CTNNA3: variants seen among roughly 807,000 people sequenced by gnomAD.
The protein encoded by CTNNA3 is catenin alpha-3.
CTNNA3 carries 76 observed loss-of-function variants against 95.7 expected under a neutral mutation model. The observed-to-expected ratio is 0.79, with a 90% confidence interval of 0.66 to 0.96. The LOEUF (loss-of-function observed/expected upper bound fraction) is 0.96, where lower values mean the gene tolerates loss of function less well. Ranked by LOEUF, CTNNA3 falls within the 40% of genes least tolerant of loss-of-function variation. CTNNA3 has a pLI of 0.00. For missense variants in CTNNA3, 1,191 were observed against 1,089.8 expected (o/e 1.09, Z -1.31); for synonymous variants, 431 against 374.4 (o/e 1.15, Z -1.74).
chr10:67,326,708 G>A (rs1841552120), intron 5 of CTNNA3, among the ~76,000 whole-genome samples: 1 of 152,092 alleles, frequency 6.6e-6, no homozygotes, highest in African/African-American at 2.4e-5. Context: ...TAGGTCTTGA[G>A]AATGATCTTC....
intron 11 of CTNNA3, among the ~76,000 whole-genome samples, chr10:66,498,369 A>C (rs1280617948): frequency 6.6e-6 from 1 of 152,144 alleles, no homozygotes; most frequent in Non-Finnish European, 1.5e-5. Flanking sequence ...AAAACATATG[A>C]CAATTCAATG....
At chr10:66,708,917 T>A (rs75089931) in intron 9 of CTNNA3, among the ~76,000 whole-genome samples, 1 of 152,108 alleles carries the variant, frequency 6.6e-6, no homozygotes, top group Admixed American at 6.6e-5. Flanking sequence ...AACCGTTTTT[T>A]CTTTTCCATT....
chr10:65,996,501 C>T (rs2078663353), intron 15 of CTNNA3, among the ~76,000 whole-genome samples: 1 of 152,018 alleles, frequency 6.6e-6, no homozygotes, highest in Non-Finnish European at 1.5e-5. Context: ...GCTGCTGAGC[C>T]CCAGGGAGAA....
At chr10:66,118,242 T>G (rs939780667) in intron 13 of CTNNA3, 2 of 149,640 alleles carry the variant, frequency 1.3e-5, no homozygotes, top group Admixed American at 6.6e-5. Context: ...CTTTGTCCTA[T>G]TTTTTTTTAG....
rs7088924 is a variant in CTNNA3 at position 66,374,144 on chromosome 10, C to T, written c.1732+5008G>A. Among the ~76,000 whole-genome samples the T allele has an allele frequency of 3.1e-3, 463 of 151,740 alleles. 1 individual carries two copies. Among genetic ancestry groups the T allele is most frequent in the African/African-American group, 0.011 (441 of 41,358 alleles). On this transcript the variant is annotated intron_variant, in intron 12 of 17. Transcript: ENST00000433211. ...TGGGCCCCTCTGCTATGTGTAGATG[C>T]TACCGGGGAAAATAAAAATAAAGAA... is the stretch of plus-strand genomic sequence containing the variant.
At chr10:67,727,494 CAT>C (rs1841243003) in intron 1 of CTNNA3, among the ~76,000 whole-genome samples, 1 of 128,588 alleles carries the variant, frequency 7.8e-6, no homozygotes, top group South Asian at 2.3e-4. Context: ...TTATATTAAA[CAT>C]AATATATCAT....
At chr10:66,107,145 C>T (rs1404201040) in intron 13 of CTNNA3, among the ~76,000 whole-genome samples, 1 of 152,110 alleles carries the variant, frequency 6.6e-6, no homozygotes, top group Non-Finnish European at 1.5e-5. Context: ...GCTGGGCTGT[C>T]TCTAAACCAG....
At chr10:66,332,868 T>G (rs889896487) in intron 12 of CTNNA3, among the ~76,000 whole-genome samples, 14 of 152,258 alleles carry the variant, frequency 9.2e-5, no homozygotes, top group Middle Eastern at 3.4e-3. Context: ...GGACTTTTTT[T>G]GGTTGGTAAG....
intron 9 of CTNNA3, among the ~76,000 whole-genome samples, chr10:66,715,506 A>T (rs1262112811): frequency 1.3e-5 from 2 of 152,230 alleles, no homozygotes; most frequent in African/African-American, 4.8e-5. Context: ...AAAGTTATTT[A>T]AAAACTAAGA....
chr10:66,678,971 T>C (rs764773323), intron 9 of CTNNA3, among the ~76,000 whole-genome samples: 20 of 152,178 alleles, frequency 1.3e-4, no homozygotes, highest in Non-Finnish European at 2.5e-4. Flanking sequence ...GCTTCTTGTA[T>C]ATTTCCCTAA....
intron 10 of CTNNA3, among the ~76,000 whole-genome samples, chr10:66,592,944 G>A (rs1439879590): frequency 2.0e-5 from 3 of 152,114 alleles, no homozygotes; most frequent in South Asian, 2.1e-4. Flanking sequence ...AATGATAACC[G>A]AGTAAAAGTT....
At chr10:66,187,455 A>G (rs1474045705) in intron 13 of CTNNA3, among the ~76,000 whole-genome samples, 1 of 150,420 alleles carries the variant, frequency 6.6e-6, no homozygotes, top group Non-Finnish European at 1.5e-5. Context: ...CCCAAGAAAA[A>G]CTAGAGAAGG....
intron 11 of CTNNA3, among the ~76,000 whole-genome samples, chr10:66,388,681 A>T (rs191401753): frequency 1.8e-3 from 265 of 145,334 alleles, no homozygotes; most frequent in Non-Finnish European, 2.9e-3. Context: ...AATTATAAAT[A>T]AAATAACGAA....
chr10:67,741,355 A>G (rs1226069823), intron 1 of CTNNA3, among the ~76,000 whole-genome samples: 3 of 149,832 alleles, frequency 2.0e-5, no homozygotes, highest in Non-Finnish European at 4.5e-5. Context: ...ACAAAAAAAA[A>G]AAAAGAAAAG....
At position 66,713,979 on chromosome 10, in the gene CTNNA3, T is replaced by C. The variant is rs77928172; in HGVS notation, c.1281+52285A>G. The stretch of plus-strand genomic sequence containing the variant: ...AATATTTTAAAGTATAAGGACATAC[T>C]ACAGAGAAAATCACATGATAGAATA... On this transcript the variant is annotated intron_variant, in intron 9 of 17. Transcript: ENST00000433211. Among the ~76,000 whole-genome samples, 1,351 of 152,176 alleles carry C rather than the reference T, an allele frequency of 8.9e-3. 21 individuals carry two copies. The highest frequency in any genetic ancestry group is 0.031 in the African/African-American group (1,268 of 41,520).
intron 2 of CTNNA3, among the ~76,000 whole-genome samples, chr10:67,612,118 A>T (rs1045707603): frequency 6.6e-6 from 1 of 152,238 alleles, no homozygotes; most frequent in Non-Finnish European, 1.5e-5. Flanking sequence ...AAGGGTTGAG[A>T]ACCCAAAAAA....
intron 15 of CTNNA3, among the ~76,000 whole-genome samples, chr10:66,021,451 C>G (rs1166191908): frequency 6.6e-6 from 1 of 150,484 alleles, no homozygotes; most frequent in Non-Finnish European, 1.5e-5. Context: ...GCTGTCGGTA[C>G]TTATAATAAT....
At chr10:67,533,736 G>A (rs1840407447) in intron 4 of CTNNA3, among the ~76,000 whole-genome samples, 1 of 152,282 alleles carries the variant, frequency 6.6e-6, no homozygotes, top group Non-Finnish European at 1.5e-5. Context: ...CTGTGTCCTT[G>A]TAAATGTTCT....
At chr10:67,496,265 A>T (rs947374539) in intron 5 of CTNNA3, among the ~76,000 whole-genome samples, 10 of 152,130 alleles carry the variant, frequency 6.6e-5, no homozygotes, top group African/African-American at 2.4e-4. Context: ...TTTTATTTTT[A>T]ATAGACTGGC....
Sources: gnomAD v4.1 joint callset for allele counts (sites outside exome capture counted in the v4.1 genomes callset) on GRCh38, gnomAD v4.1.1 for gene constraint, MANE v1.5 for transcripts, NCBI Gene and HGNC (gene_info 2026-07-23, HGNC 2026-07-21) for gene names.